The following ACVR1 variants were observed in gnomAD, a reference collection of about 807,000 sequenced individuals.
The protein encoded by ACVR1 is activin A receptor type 1.
A neutral mutation model predicts 57.1 loss-of-function variants in ACVR1; 38 were observed. The observed-to-expected ratio is 0.67, with a 90% CI of 0.51 to 0.87. The LOEUF (loss-of-function observed/expected upper bound fraction) is 0.87. Ranked by LOEUF, ACVR1 falls within the 40% of genes least tolerant of loss-of-function variation. The pLI, the probability that ACVR1 is intolerant of heterozygous loss-of-function variation, is 0.00. For missense variants in ACVR1, 463 were observed against 638.2 expected (o/e 0.73, Z 2.96); for synonymous variants, 212 against 228.1 (o/e 0.93, Z 0.63).
At chr2:157,771,350 C>T (rs975823965) in intron 6 of ACVR1, among the ~76,000 whole-genome samples, 1 of 152,142 alleles carries the variant, frequency 6.6e-6, no homozygotes, top group East Asian at 1.9e-4. Context: ...GGTGCATGGC[C>T]CCCTCTTGCA....
intron 1 of ACVR1, among the ~76,000 whole-genome samples, chr2:157,870,868 G>A (rs796087965): frequency 2.0e-5 from 3 of 152,254 alleles, no homozygotes; most frequent in African/African-American, 4.8e-5. Context: ...AATGTCTTTC[G>A]TCCCCACTTT....
chr2:157,764,510 G>A (rs114676924), intron 8 of ACVR1, among the ~76,000 whole-genome samples: 1 of 151,672 alleles, frequency 6.6e-6, no homozygotes, highest in African/African-American at 2.4e-5. Flanking sequence ...GCCCGGCCAC[G>A]ATCACACTGT....
intron 1 of ACVR1, chr2:157,838,343 T>TG (rs1450042693): frequency 6.6e-6 from 1 of 151,746 alleles, no homozygotes; most frequent in African/African-American, 2.4e-5. Context: ...TATCAAGAGG[T>TG]GGGGGAAAAA....
At chr2:157,757,910 G>A (rs1685499113) in intron 9 of ACVR1, among the ~76,000 whole-genome samples, 1 of 151,396 alleles carries the variant, frequency 6.6e-6, no homozygotes, top group Admixed American at 6.6e-5. Context: ...AGTAAAAGGA[G>A]AAGAAATGAA....
intron 1 of ACVR1, among the ~76,000 whole-genome samples, chr2:157,834,313 G>A (rs1217213482): frequency 6.6e-6 from 1 of 151,868 alleles, no homozygotes; most frequent in Non-Finnish European, 1.5e-5. Context: ...GGATGGTCTC[G>A]ATCTCCTGAC....
intron 8 of ACVR1, among the ~76,000 whole-genome samples, chr2:157,763,370 A>C (rs1453639205): frequency 7.2e-5 from 11 of 152,194 alleles, no homozygotes; most frequent in Non-Finnish European, 1.3e-4. Context: ...CAATTATTGA[A>C]TCTAGGTGTT....
intron 1 of ACVR1, among the ~76,000 whole-genome samples, chr2:157,836,001 A>G (rs949277470): frequency 2.6e-5 from 4 of 152,266 alleles, no homozygotes; most frequent in African/African-American, 9.6e-5. Context: ...TGTAAAAATG[A>G]AAACCAAAGT....
At chr2:157,774,322 A>G (rs1650880117) in intron 5 of ACVR1, 135 bp from the exon 6 acceptor site, 1 of 731,044 alleles carries the variant, frequency 1.4e-6, no homozygotes. Flanking sequence ...GTACATGTAA[A>G]GCTCCTCTGG....
intron 3 of ACVR1, chr2:157,790,131 C>T (rs914412593): frequency 1.3e-5 from 2 of 152,232 alleles, no homozygotes; most frequent in African/African-American, 2.4e-5. Context: ...CAGCACCTCA[C>T]CTGTCTACTA....
At chr2:157,741,053 C>T (rs1306489126) in intron 9 of ACVR1, among the ~76,000 whole-genome samples, 2 of 151,962 alleles carry the variant, frequency 1.3e-5, no homozygotes, top group Non-Finnish European at 2.9e-5. Flanking sequence ...GGTAGGATGC[C>T]GTATTAAATG....
intron 9 of ACVR1, among the ~76,000 whole-genome samples, chr2:157,741,798 A>C (rs140885811): frequency 6.6e-6 from 1 of 152,106 alleles, no homozygotes; most frequent in East Asian, 1.9e-4. Flanking sequence ...AGGAGGAAAC[A>C]CCTCCATGGT....
intron 1 of ACVR1, among the ~76,000 whole-genome samples, chr2:157,835,899 CTTTAA>C (rs1353207768): frequency 1.3e-5 from 2 of 152,178 alleles, no homozygotes; most frequent in African/African-American, 2.4e-5. Context: ...GCCAACAACC[CTTTAA>C]TTTAATATAC....
intron 3 of ACVR1, among the ~76,000 whole-genome samples, chr2:157,784,554 C>T (rs999767513): frequency 6.6e-6 from 1 of 152,260 alleles, no homozygotes; most frequent in Non-Finnish European, 1.5e-5. Context: ...CACCTCCCGG[C>T]ATTACTCAGT....
In ACVR1 at chr2:157,751,079, G is replaced by C. The variant is rs114233828; in HGVS notation, c.1264+9801C>G. 6.6e-3 allele frequency among the ~76,000 whole-genome samples: 1,000 copies of C among 152,314 alleles called. 8 individuals are homozygous for C. The highest frequency in any genetic ancestry group is 0.022 in the African/African-American group (909 of 41,570). ...AGAATCAACGGACCCTTTGAAGGAA[G>C]TGGACTGCTCCTGCAGGACCTGGGA... On this transcript the variant is annotated intron_variant, in intron 9 of 10. Coordinates refer to ENST00000434821, the MANE Select transcript of ACVR1 (RefSeq NM_001111067.4).
chr2:157,769,286 A>C (rs1452207975), intron 7 of ACVR1, among the ~76,000 whole-genome samples: 6 of 152,186 alleles, frequency 3.9e-5, no homozygotes, highest in African/African-American at 1.2e-4. Flanking sequence ...TGTTGCAGGA[A>C]ATTTGGGAGC....
intron 2 of ACVR1, among the ~76,000 whole-genome samples, chr2:157,817,535 G>A (rs933972412): frequency 2.0e-5 from 3 of 152,142 alleles, no homozygotes; most frequent in Non-Finnish European, 4.4e-5. Flanking sequence ...TTGCCTTTGG[G>A]TGATAATGAT....
At chr2:157,842,026 C>A (rs375895330) in intron 1 of ACVR1, among the ~76,000 whole-genome samples, 382 of 99,512 alleles carry the variant, frequency 3.8e-3, no homozygotes, top group South Asian at 6.9e-3. Flanking sequence ...GACTCCATCT[C>A]AAAAAAAAAA....
chr2:157,872,751 G>C (rs1249375932), intron 1 of ACVR1, among the ~76,000 whole-genome samples: 1 of 152,082 alleles, frequency 6.6e-6, no homozygotes, highest in Non-Finnish European at 1.5e-5. Flanking sequence ...TTATGTTAAT[G>C]GTTATGTGTT....
chr2:157,845,162 C>T (rs1199352288), intron 1 of ACVR1, among the ~76,000 whole-genome samples: 1 of 152,182 alleles, frequency 6.6e-6, no homozygotes, highest in African/African-American at 2.4e-5. Context: ...CAAGAGGTCA[C>T]AGAAATAAGT....
Sources: gnomAD v4.1 joint callset for allele counts (sites outside exome capture counted in the v4.1 genomes callset) on GRCh38, gnomAD v4.1.1 for gene constraint, MANE v1.5 for transcripts, NCBI Gene and HGNC (gene_info 2026-07-23, HGNC 2026-07-21) for gene names.